NRXN3: variants seen among roughly 807,000 people sequenced by gnomAD.
NRXN3 encodes the protein neurexin III.
Under a neutral mutation model 137.6 loss-of-function variants are expected in NRXN3, and 32 were observed. The observed-to-expected ratio is 0.23, with a 90% CI of 0.18 to 0.31. NRXN3 has a LOEUF of 0.31. Among genes scored for constraint, NRXN3 ranks in the 10% least tolerant of loss-of-function variants. The pLI is 1.00. For synonymous variants in NRXN3, 798 were observed against 784.5 expected (o/e 1.02, Z -0.29); for missense variants, 1,574 against 2,062.5 (o/e 0.76, Z 4.59).
At chr14:78,650,643 T>C (rs1266332538) in intron 5 of NRXN3, among the ~76,000 whole-genome samples, 1 of 150,990 alleles carries the variant, frequency 6.6e-6, no homozygotes, top group African/African-American at 2.4e-5. Context: ...GTCAGCGTGG[T>C]GTGAGCCAAA....
intron 8 of NRXN3, among the ~76,000 whole-genome samples, chr14:78,760,034 C>CTTTTTTT (rs61320632): frequency 6.9e-5 from 6 of 86,730 alleles, no homozygotes; most frequent in African/African-American, 3.0e-4. Context: ...AGCCTGCAGT[C>CTTTTTTT]TTTTTTTTTT....
intron 10 of NRXN3, among the ~76,000 whole-genome samples, chr14:78,943,615 A>ATATAT (rs2099357759): frequency 4.7e-5 from 2 of 42,498 alleles, no homozygotes; most frequent in Non-Finnish European, 9.2e-5. Flanking sequence ...ACTGTTAAAA[A>ATATAT]AAAAAAATAT....
At chr14:78,988,239 G>T (rs751751354) in intron 15 of NRXN3, 98 bp downstream of exon 15, 17 of 1,432,088 alleles carry the variant, frequency 1.2e-5, no homozygotes, top group Non-Finnish European at 1.6e-5. Flanking sequence ...TCTTCTGAAA[G>T]ATTCATAAGT....
intron 16 of NRXN3, among the ~76,000 whole-genome samples, chr14:79,572,358 A>C (rs1459120849): frequency 6.6e-6 from 1 of 152,190 alleles, no homozygotes; most frequent in Non-Finnish European, 1.5e-5. Context: ...TGGAATGTTT[A>C]GTTTATTTGC....
intron 15 of NRXN3, among the ~76,000 whole-genome samples, chr14:79,229,428 A>G (rs2071707805): frequency 6.6e-6 from 1 of 152,116 alleles, no homozygotes; most frequent in Non-Finnish European, 1.5e-5. Flanking sequence ...GTGCCATCCA[A>G]CTCTAGCCAG....
At chr14:78,398,713 A>T (rs1010797978) in intron 4 of NRXN3, among the ~76,000 whole-genome samples, 4 of 152,144 alleles carry the variant, frequency 2.6e-5, no homozygotes, top group African/African-American at 9.7e-5. Context: ...CTCTACTAGG[A>T]CTTCATTGAC....
chr14:78,859,609 T>G (rs1438947712), intron 10 of NRXN3, among the ~76,000 whole-genome samples: 2 of 152,190 alleles, frequency 1.3e-5, no homozygotes, highest in Admixed American at 1.3e-4. Flanking sequence ...TTTGCCACTT[T>G]CAACTCTTTG....
chr14:79,341,071 A>G (rs1566850777), intron 15 of NRXN3, among the ~76,000 whole-genome samples: 1 of 152,136 alleles, frequency 6.6e-6, no homozygotes, highest in African/African-American at 2.4e-5. Flanking sequence ...AGGTCTCTGT[A>G]CAGATGATTG....
chr14:79,397,458 T>G (rs980753595), intron 15 of NRXN3, among the ~76,000 whole-genome samples: 1 of 152,232 alleles, frequency 6.6e-6, no homozygotes, highest in African/African-American at 2.4e-5. Flanking sequence ...AGTAACTCCA[T>G]GAGACCTGCA....
chr14:78,627,266 C>G (rs984824404), intron 4 of NRXN3, among the ~76,000 whole-genome samples: 35 of 152,022 alleles, frequency 2.3e-4, no homozygotes, highest in Admixed American at 5.9e-4. Flanking sequence ...TGGGAAAGGT[C>G]AGCTGTCAGA....
chr14:78,404,268 G>C (rs1009707192), intron 4 of NRXN3, among the ~76,000 whole-genome samples: 1 of 149,350 alleles, frequency 6.7e-6, no homozygotes, highest in Non-Finnish European at 1.5e-5. Context: ...AGGGTTGCAT[G>C]TTGTCAATAC....
In NRXN3 at chr14:79,176,831, C is replaced by T. The variant is rs200594898; in HGVS notation, c.3262+188690C>T. On this transcript the variant is annotated intron_variant, in intron 15 of 20. Coordinates refer to ENST00000335750, the MANE Select transcript of NRXN3 (RefSeq NM_001330195.2). ...TTTTTATATTGATACTTATCTGACT[C>T]TTCACCCATCAGAAAGATGGAGTTC... Among the ~76,000 whole-genome samples the T allele has an allele frequency of 5.3e-5, 8 of 152,302 alleles. No homozygotes were observed. In the East Asian group the frequency reaches 1.4e-3, roughly 26 times the overall value.
chr14:78,721,231 A>G (rs1184498603), intron 8 of NRXN3, among the ~76,000 whole-genome samples: 1 of 152,170 alleles, frequency 6.6e-6, no homozygotes, highest in Non-Finnish European at 1.5e-5. Context: ...TCCAAGGTCA[A>G]ATATAATAAT....
chr14:78,404,067 A>G (rs942934517), intron 4 of NRXN3, among the ~76,000 whole-genome samples: 63 of 152,264 alleles, frequency 4.1e-4, no homozygotes, highest in African/African-American at 1.4e-3. Flanking sequence ...AAGGATAACC[A>G]AAAGAAAGGG....
chr14:79,849,841 G>T (rs942029011), intron 20 of NRXN3, among the ~76,000 whole-genome samples: 29 of 152,072 alleles, frequency 1.9e-4, no homozygotes, highest in Admixed American at 7.2e-4. Context: ...TTATGAAATG[G>T]GTTCCTTCAC....
At chr14:78,299,936 T>C (rs2076717181) in intron 4 of NRXN3, among the ~76,000 whole-genome samples, 1 of 152,166 alleles carries the variant, frequency 6.6e-6, no homozygotes, top group Non-Finnish European at 1.5e-5. Flanking sequence ...CAACTTGAAG[T>C]TTAATCTGTT....
At chr14:79,430,612 T>G (rs1315667059) in intron 15 of NRXN3, among the ~76,000 whole-genome samples, 2 of 152,162 alleles carry the variant, frequency 1.3e-5, no homozygotes, top group African/African-American at 4.8e-5. Flanking sequence ...TCTCTATTCC[T>G]TATATATTCT....
intron 10 of NRXN3, among the ~76,000 whole-genome samples, chr14:78,939,997 G>A (rs1400306170): frequency 6.6e-6 from 1 of 152,148 alleles, no homozygotes; most frequent in African/African-American, 2.4e-5. Context: ...GTTGCAGCCT[G>A]TTTAAGATAT....
intron 19 of NRXN3, among the ~76,000 whole-genome samples, chr14:79,776,013 G>A (rs1270363063): frequency 2.0e-5 from 3 of 152,164 alleles, no homozygotes; most frequent in Non-Finnish European, 4.4e-5. Flanking sequence ...ATGAATTAAT[G>A]AGTGATGGGA....
Sources: gnomAD v4.1 joint callset for allele counts (sites outside exome capture counted in the v4.1 genomes callset) on GRCh38, gnomAD v4.1.1 for gene constraint, MANE v1.5 for transcripts, NCBI Gene and HGNC (gene_info 2026-07-23, HGNC 2026-07-21) for gene names.